The following TRHDE variants were observed in gnomAD, a reference collection of about 807,000 sequenced individuals.
TRHDE encodes thyrotropin-releasing hormone-degrading ectoenzyme.
A neutral mutation model predicts 125.7 loss-of-function variants in TRHDE; 72 were observed. The ratio of observed to expected loss-of-function variants is 0.57; its 90% CI spans 0.47 to 0.70. The LOEUF (loss-of-function observed/expected upper bound fraction) is 0.70. TRHDE is among the 30% of genes least tolerant of loss of function. The pLI, the probability that TRHDE is intolerant of heterozygous loss-of-function variation, is 0.00. For missense variants in TRHDE, 1,110 were observed against 1,327.1 expected (o/e 0.84, Z 2.54); for synonymous variants, 509 against 509.1 (o/e 1.00, Z 0.00).
In TRHDE at chr12:72,326,843, CCTTA is replaced by C. The variant is rs375029749; in HGVS notation, c.1188+39893_1188+39896del. Among the ~76,000 whole-genome samples, 22 of 152,204 alleles carry C rather than the reference CCTTA, an allele frequency of 1.4e-4. No individual in the cohort carries two copies. The East Asian group carries it at 4.1e-3, about 28-fold the overall frequency. On this transcript the variant is annotated intron_variant, in intron 2 of 18. Coordinates refer to ENST00000261180, the MANE Select transcript of TRHDE (RefSeq NM_013381.3). ...GCCTTATCAAAACTTGCTACATTGC[CCTTA>C]CTTTTTTCATTTTGACTTAAATGGT...
intron 2 of TRHDE, among the ~76,000 whole-genome samples, chr12:72,313,605 T>C (rs572684989): frequency 4.6e-5 from 7 of 152,154 alleles, no homozygotes; most frequent in Non-Finnish European, 1.0e-4. Context: ...TGCTAGAACA[T>C]CTTTATTTTT....
At chr12:72,418,507 A>G (rs987078823) in intron 3 of TRHDE, among the ~76,000 whole-genome samples, 2 of 152,234 alleles carry the variant, frequency 1.3e-5, no homozygotes, top group Middle Eastern at 3.4e-3. Flanking sequence ...AAAAGTGAGT[A>G]AAATGGATTT....
intron 12 of TRHDE, among the ~76,000 whole-genome samples, chr12:72,588,519 G>A (rs12825955): frequency 0.014 from 2,111 of 152,294 alleles, 21 homozygotes; most frequent in Middle Eastern, 0.034. Context: ...ACTATTGTGA[G>A]AATTTGCAGT....
At chr12:72,433,477 A>G (rs1223097633) in intron 3 of TRHDE, among the ~76,000 whole-genome samples, 4 of 152,066 alleles carry the variant, frequency 2.6e-5, no homozygotes, top group Non-Finnish European at 5.9e-5. Flanking sequence ...AGTAGCCTTT[A>G]GTCTCCTTGG....
At chr12:72,365,882 A>C (rs975200160) in intron 2 of TRHDE, among the ~76,000 whole-genome samples, 2 of 152,144 alleles carry the variant, frequency 1.3e-5, no homozygotes, top group African/African-American at 4.8e-5. Flanking sequence ...AGGACTGTGG[A>C]GGGCTGGTCC....
At chr12:72,454,219 T>A (rs1875727981) in intron 3 of TRHDE, among the ~76,000 whole-genome samples, 1 of 152,220 alleles carries the variant, frequency 6.6e-6, no homozygotes, top group Non-Finnish European at 1.5e-5. Flanking sequence ...AATCAACTCT[T>A]TGTTTTTACC....
At chr12:72,368,437 T>C (rs1381760388) in intron 2 of TRHDE, among the ~76,000 whole-genome samples, 1 of 152,194 alleles carries the variant, frequency 6.6e-6, no homozygotes, top group African/African-American at 2.4e-5. Flanking sequence ...GAACTTTGTA[T>C]GTAATAATTT....
intron 3 of TRHDE, among the ~76,000 whole-genome samples, chr12:72,442,273 T>C (rs1189206936): frequency 6.6e-6 from 1 of 151,834 alleles, no homozygotes; most frequent in East Asian, 1.9e-4. Flanking sequence ...CGATGTGTGA[T>C]AAAATACAAA....
intron 12 of TRHDE, among the ~76,000 whole-genome samples, chr12:72,607,486 T>C (rs1872493649): frequency 1.3e-5 from 2 of 151,164 alleles, no homozygotes; most frequent in Non-Finnish European, 1.5e-5. Flanking sequence ...CTTGCTGTTG[T>C]TTACTATTTG....
intron 2 of TRHDE, among the ~76,000 whole-genome samples, chr12:72,357,177 A>G (rs1427595271): frequency 1.3e-5 from 2 of 151,596 alleles, no homozygotes; most frequent in Admixed American, 1.3e-4. Context: ...AGAACTAGAA[A>G]ATATTATTTT....
intron 3 of TRHDE, among the ~76,000 whole-genome samples, chr12:72,447,325 A>G (rs980895078): frequency 6.6e-6 from 1 of 152,182 alleles, no homozygotes; most frequent in African/African-American, 2.4e-5. Context: ...CAATGAGAAC[A>G]AAGACACAAC....
intron 3 of TRHDE, among the ~76,000 whole-genome samples, chr12:72,433,141 A>G (rs866609557): frequency 9.9e-5 from 15 of 152,130 alleles, no homozygotes; most frequent in African/African-American, 3.4e-4. Context: ...CCTTACTGGG[A>G]TAAGTGATAT....
intron 9 of TRHDE, among the ~76,000 whole-genome samples, chr12:72,566,440 G>T (rs140225405): frequency 4.0e-5 from 6 of 151,034 alleles, no homozygotes; most frequent in African/African-American, 7.4e-5. Context: ...GAACAGCTGT[G>T]TGATACAATG....
intron 15 of TRHDE, among the ~76,000 whole-genome samples, chr12:72,637,028 A>G (rs963957185): frequency 1.3e-5 from 2 of 152,202 alleles, no homozygotes; most frequent in African/African-American, 4.8e-5. Context: ...TAAATGAGTT[A>G]GGGAGGATTC....
At chr12:72,290,612 G>C (rs564544213) in intron 2 of TRHDE, among the ~76,000 whole-genome samples, 16 of 152,282 alleles carry the variant, frequency 1.1e-4, no homozygotes, top group African/African-American at 3.9e-4. Flanking sequence ...CAGGATGTTT[G>C]GGGTGTGACT....
At chr12:72,212,781 T>A (rs972666443) in intron 2 of TRHDE, among the ~76,000 whole-genome samples, 16 of 152,264 alleles carry the variant, frequency 1.1e-4, no homozygotes, top group Admixed American at 3.3e-4. Flanking sequence ...TGGCAGTTCC[T>A]TAAAATGCTA....
At chr12:72,644,814 G>A (rs1380940712) in intron 15 of TRHDE, among the ~76,000 whole-genome samples, 2 of 152,194 alleles carry the variant, frequency 1.3e-5, no homozygotes, top group Admixed American at 1.3e-4. Context: ...CTACTTCTCA[G>A]TCTTGGCATT....
At chr12:72,625,091 C>G (rs946627749) in intron 15 of TRHDE, among the ~76,000 whole-genome samples, 21 of 151,820 alleles carry the variant, frequency 1.4e-4, no homozygotes, top group African/African-American at 5.1e-4. Flanking sequence ...CATAGTATTA[C>G]TGCAGATGAA....
intron 2 of TRHDE, among the ~76,000 whole-genome samples, chr12:72,197,341 T>C (rs1167494324): frequency 6.6e-6 from 1 of 152,110 alleles, no homozygotes; most frequent in African/African-American, 2.4e-5. Context: ...AGCACCCACA[T>C]TGCCATCCAC....
Sources: gnomAD v4.1 joint callset for allele counts (sites outside exome capture counted in the v4.1 genomes callset) on GRCh38, gnomAD v4.1.1 for gene constraint, MANE v1.5 for transcripts, NCBI Gene and HGNC (gene_info 2026-07-23, HGNC 2026-07-21) for gene names.